Variants in ARAP2 observed in about 807,000 individuals in gnomAD.
ARAP2 encodes ArfGAP with RhoGAP domain, ankyrin repeat and PH domain 2, also known as arf-GAP with Rho-GAP domain, ANK repeat and PH domain-containing protein 2.
In ARAP2, 148 loss-of-function variants were observed where a neutral mutation model predicts 194.5. That is an observed-to-expected ratio of 0.76 (90% confidence interval 0.67 to 0.87). The LOEUF (loss-of-function observed/expected upper bound fraction) is 0.87. Ranked by LOEUF, ARAP2 falls within the 40% of genes least tolerant of loss-of-function variation. The pLI is 0.00. For missense variants in ARAP2, 2,128 were observed against 1,989.7 expected (o/e 1.07, Z -1.32); for synonymous variants, 695 against 683.5 (o/e 1.02, Z -0.26).
At chr4:36,101,516 A>C (rs1050437177) in intron 27 of ARAP2, among the ~76,000 whole-genome samples, 4 of 151,792 alleles carry the variant, frequency 2.6e-5, no homozygotes, top group African/African-American at 9.7e-5. Context: ...AATATAATTT[A>C]GTGTGATATA....
In ARAP2 at chr4:36,228,731, C is replaced by G. The variant is rs771795721; in HGVS notation, c.756G>C (p.Met252Ile). The G allele has an allele frequency of 2.5e-6, 4 of 1,614,082 alleles. No individual in the cohort carries two copies. Among genetic ancestry groups the G allele is most frequent in the Non-Finnish European group, 3.4e-6 (4 of 1,179,980 alleles). The change falls in exon 2 of 33, where the codon ATG (methionine) becomes ATC (isoleucine). Residue 252 changes from methionine (M) to isoleucine (I), a missense_variant. Physicochemically the swap from Met to Ile is conservative, Grantham distance 10 (BLOSUM62 1). Transcript: ENST00000303965. The part of the protein sequence containing the change: ...PSPFFKFQGE[M>I]IVNDLYVPSS... ...ATGGAACATACAAGTCATTTACAAT[C>G]ATTTCTCCTTGAAACTTAAAGAATG...
intron 19 of ARAP2, among the ~76,000 whole-genome samples, chr4:36,134,662 T>C (rs992348995): frequency 6.6e-6 from 1 of 151,480 alleles, no homozygotes; most frequent in South Asian, 2.1e-4. Flanking sequence ...TAATCTAGCC[T>C]ATATTTTTAC....
At chr4:36,176,310 A>G (rs924197777) in intron 9 of ARAP2, among the ~76,000 whole-genome samples, 1 of 152,204 alleles carries the variant, frequency 6.6e-6, no homozygotes, top group African/African-American at 2.4e-5. Context: ...CCTGGTACTC[A>G]GCAAACAGTA....
intron 9 of ARAP2, among the ~76,000 whole-genome samples, chr4:36,011,943 CATT>C (rs1171246960): frequency 7.2e-5 from 11 of 151,980 alleles, no homozygotes; most frequent in Admixed American, 2.0e-4. Context: ...GATAATAATG[CATT>C]ATTATTTCAC....
intron 19 of ARAP2, among the ~76,000 whole-genome samples, chr4:36,146,577 G>A (rs932853171): frequency 6.6e-5 from 10 of 151,954 alleles, no homozygotes; most frequent in African/African-American, 2.4e-4. Flanking sequence ...CCCTACACCT[G>A]AAATACTCTA....
intron 27 of ARAP2, among the ~76,000 whole-genome samples, chr4:36,094,945 T>C (rs991151049): frequency 1.3e-5 from 2 of 152,222 alleles, no homozygotes; most frequent in Non-Finnish European, 2.9e-5. Flanking sequence ...GGGAAGGTGC[T>C]ATCACAGGTA....
intron 11 of ARAP2, among the ~76,000 whole-genome samples, chr4:36,163,244 GA>G (rs1051398424): frequency 4.0e-5 from 6 of 150,920 alleles, no homozygotes; most frequent in Middle Eastern, 3.4e-3. Flanking sequence ...AAATACATGG[GA>G]AAAAAAATAC....
intron 2 of ARAP2, among the ~76,000 whole-genome samples, chr4:36,221,061 T>C (rs982837283): frequency 2.0e-5 from 3 of 152,156 alleles, no homozygotes; most frequent in African/African-American, 7.2e-5. Context: ...ATTTTTACTG[T>C]ACCTTTTCTA....
At chr4:36,027,661 GCC>G (rs948685667) in intron 5 of ARAP2, among the ~76,000 whole-genome samples, 1 of 151,930 alleles carries the variant, frequency 6.6e-6, no homozygotes, top group African/African-American at 2.4e-5. Flanking sequence ...GGCACTATTT[GCC>G]TGGTATTGTG....
intron 1 of ARAP2, chr4:36,243,519 AC>A (rs1447928699): frequency 1.3e-5 from 2 of 152,084 alleles, no homozygotes; most frequent in Non-Finnish European, 2.9e-5. Flanking sequence ...TAATCCACGA[AC>A]CCTTTCCCCA....
intron 16 of ARAP2, among the ~76,000 whole-genome samples, chr4:36,150,377 G>A (rs1458145272): frequency 1.3e-5 from 2 of 152,162 alleles, no homozygotes; most frequent in African/African-American, 4.8e-5. Flanking sequence ...CAGGCACGGT[G>A]GCTCACGCCT....
chr4:36,204,886 G>A (rs1411125961), intron 6 of ARAP2, among the ~76,000 whole-genome samples: 3 of 149,354 alleles, frequency 2.0e-5, no homozygotes, highest in African/African-American at 7.4e-5. Flanking sequence ...CTACTCGGGA[G>A]GCTGTGGCAG....
intron 3 of ARAP2, among the ~76,000 whole-genome samples, chr4:36,051,010 C>T (rs114748057): frequency 0.01 from 1,572 of 152,228 alleles, 25 homozygotes; most frequent in African/African-American, 0.036. Context: ...AATTTGTCTT[C>T]GCTTTTTCCA....
chr4:36,208,511 G>C (rs920315182), intron 6 of ARAP2, among the ~76,000 whole-genome samples: 2 of 152,168 alleles, frequency 1.3e-5, no homozygotes, highest in African/African-American at 4.8e-5. Context: ...ATCTCAATCA[G>C]CGCTATCTGC....
chr4:36,098,240 G>A (rs936278663), intron 27 of ARAP2, among the ~76,000 whole-genome samples: 6 of 151,872 alleles, frequency 4.0e-5, no homozygotes, highest in Non-Finnish European at 8.8e-5. Flanking sequence ...TATATCCCCC[G>A]CTTTACCCTC....
chr4:36,087,598 C>G (rs1371610349), intron 28 of ARAP2, among the ~76,000 whole-genome samples: 5 of 152,006 alleles, frequency 3.3e-5, no homozygotes, highest in Non-Finnish European at 7.4e-5. Context: ...GACCCTTCAT[C>G]TCACTTACAA....
intron 9 of ARAP2, among the ~76,000 whole-genome samples, chr4:36,012,052 C>T (rs1460503093): frequency 6.6e-6 from 1 of 152,086 alleles, no homozygotes; most frequent in African/African-American, 2.4e-5. Flanking sequence ...ACATTTCTTT[C>T]ATGGTATGTC....
At chr4:36,148,144 A>T (rs1381762297) in intron 17 of ARAP2, among the ~76,000 whole-genome samples, 4 of 152,180 alleles carry the variant, frequency 2.6e-5, no homozygotes, top group Admixed American at 2.6e-4. Context: ...ATGACTTTAC[A>T]GTATTGAGAA....
chr4:36,059,294 C>A (rs965835451), intron 1 of ARAP2, among the ~76,000 whole-genome samples: 3 of 152,132 alleles, frequency 2.0e-5, no homozygotes, highest in African/African-American at 7.2e-5. Flanking sequence ...TCTTTTGCTT[C>A]CTTCCACATA....
Sources: allele counts gnomAD v4.1 joint callset (sites outside exome capture counted in the v4.1 genomes callset), GRCh38; gene constraint gnomAD v4.1.1; transcripts MANE v1.5; gene names NCBI Gene and HGNC (gene_info 2026-07-23, HGNC 2026-07-21).